Variants in NAPEPLD observed in about 807,000 individuals in gnomAD.
NAPEPLD encodes N-acyl phosphatidylethanolamine phospholipase D.
In NAPEPLD, 23 loss-of-function variants were observed where a neutral mutation model predicts 38.1. That is an observed-to-expected ratio of 0.60 (90% CI 0.43 to 0.86). The LOEUF (loss-of-function observed/expected upper bound fraction) is 0.86, where lower values mean the gene tolerates loss of function less well. Ranked by LOEUF, NAPEPLD falls within the 40% of genes least tolerant of loss-of-function variation. The probability of loss-of-function intolerance (pLI) is 0.00; values close to 1 mark genes in which losing one functional copy is unlikely to be tolerated. For synonymous variants in NAPEPLD, 147 were observed against 162.0 expected, an observed-to-expected ratio of 0.91 and a Z score of 0.71; for missense variants, 411 against 476.8, an observed-to-expected ratio of 0.86 and a Z score of 1.28.
chr7:103,113,679 G>A (rs1054458739), intron 4 of NAPEPLD, among the ~76,000 whole-genome samples: 8 of 138,122 alleles, frequency 5.8e-5, no homozygotes, highest in Non-Finnish European at 1.1e-4. Context: ...CACCCAGGCT[G>A]GAAGGAAGTG....
intron 1 of NAPEPLD, among the ~76,000 whole-genome samples, chr7:103,131,511 T>C (rs1169489305): frequency 1.3e-5 from 2 of 151,920 alleles, no homozygotes; most frequent in Non-Finnish European, 2.9e-5. Context: ...ATACAAAAAG[T>C]AGCCGGGCGT....
intron 1 of NAPEPLD, among the ~76,000 whole-genome samples, chr7:103,133,574 C>A (rs1421757241): frequency 6.6e-6 from 1 of 152,156 alleles, no homozygotes; most frequent in Admixed American, 6.5e-5. Flanking sequence ...TCTGGGCACT[C>A]AGAAGACCAC....
At chr7:103,140,542 G>A (rs569959928) in intron 1 of NAPEPLD, among the ~76,000 whole-genome samples, 26 of 151,930 alleles carry the variant, frequency 1.7e-4, no homozygotes, top group East Asian at 7.7e-4. Flanking sequence ...ACAGGAGCCC[G>A]CCACCACGCC....
intron 1 of NAPEPLD, among the ~76,000 whole-genome samples, chr7:103,133,043 C>CA (rs1312759924): frequency 3.3e-5 from 5 of 151,894 alleles, no homozygotes; most frequent in African/African-American, 9.7e-5. Flanking sequence ...CTTTAAAAAA[C>CA]AAAAAACAAA....
In NAPEPLD at chr7:103,109,327, C is replaced by A. The variant is rs191076282; in HGVS notation, c.1056+5733G>T. ...ACATCGCACTTATTCTAAAACTCAC[C>A]ACATAATTGGAAGTAAAACACTCCT... On this transcript the variant is annotated intron_variant, in intron 4 of 4. Transcript: ENST00000465647. Among the ~76,000 whole-genome samples, 252 of 152,222 alleles carry A rather than the reference C, an allele frequency of 1.7e-3. 3 individuals are homozygous for A. The highest frequency in any genetic ancestry group is 7.0e-3 in the Admixed American group (107 of 15,290).
upstream of NAPEPLD, chr7:103,149,283 C>T: frequency 9.4e-7 from 1 of 1,064,326 alleles, no homozygotes; most frequent in Non-Finnish European, 1.1e-6. Context: ...ACTCACCTCG[C>T]GCTTGGGGTG....
Position 103,119,649 on chromosome 7 carries a change from G to T in NAPEPLD, c.869C>A (p.Ala290Asp), listed in dbSNP as rs1427402762. 4.3e-6 allele frequency: 7 copies of T among 1,614,118 alleles called. No homozygotes were observed. The highest frequency in any genetic ancestry group is 5.9e-6 in the Non-Finnish European group (7 of 1,180,032). ...AAATCTTTTTCCTATCTCTTCAAAA[G>T]CAGGGCAATAACCAGTATCTCCTGC... is the stretch of plus-strand genomic sequence containing the variant. ...FFAGDTGYCPAFEEIGKRFGP... is the reference protein window; with the variant it reads ...FFAGDTGYCPDFEEIGKRFGP... The change falls in exon 3 of 5, where the codon GCT (alanine) becomes GAT (aspartate). Residue 290 changes from alanine (A) to aspartate (D), a missense_variant. By Grantham distance (126) the Ala-to-Asp change is moderately radical. Transcript: ENST00000465647.
intron 1 of NAPEPLD, among the ~76,000 whole-genome samples, chr7:103,133,036 T>TA (rs1405046784): frequency 6.6e-6 from 1 of 151,926 alleles, no homozygotes; most frequent in Non-Finnish European, 1.5e-5. Flanking sequence ...AAATGCTCTT[T>TA]AAAAAACAAA....
At chr7:103,124,893 T>C (rs1807447914) in intron 2 of NAPEPLD, among the ~76,000 whole-genome samples, 1 of 152,206 alleles carries the variant, frequency 6.6e-6, no homozygotes, top group Non-Finnish European at 1.5e-5. Context: ...AAGACCTCTC[T>C]TTCACTAAGC....
rs202197013 is a variant in NAPEPLD at position 103,125,931 on chromosome 7, GAAAC to G, written c.294+2548_294+2551del. The stretch of plus-strand genomic sequence containing the variant: ...AATAATAATAATAATAAATAAAAAT[GAAAC>G]AAATTCTTGAGGAAATTTTTCAGAA... On this transcript the variant is annotated intron_variant, in intron 2 of 4. Transcript: ENST00000465647. Among the ~76,000 whole-genome samples the G allele has an allele frequency of 5.1e-3, 740 of 145,298 alleles. 4 individuals carry two copies. Among genetic ancestry groups the G allele is most frequent in the African/African-American group, 0.019 (696 of 36,026 alleles).
rs1364379848 is a variant in NAPEPLD, at chr7:103,141,449, G to C, written c.-17+7362C>G. On this transcript the variant is annotated intron_variant, in intron 1 of 4. Coordinates refer to ENST00000465647, the MANE Select transcript of NAPEPLD (RefSeq NM_001122838.3). ...GCTCTTGTGTGCTTCCTTGGTCTTA[G>C]ATCTGCGGGCCTCAGCCTGATCAGC... 6 of 973,062 alleles carry C rather than the reference G, an allele frequency of 6.2e-6. No individual in the cohort carries two copies. In the East Asian group the frequency reaches 1.4e-4, roughly 23 times the overall value. 60.3% of individuals were successfully genotyped at this position (973,062 alleles called of 1,614,324 possible). A position where few individuals can be genotyped will look rare whatever the true frequency, so the allele number is the denominator to read the frequency against.
intron 1 of NAPEPLD, among the ~76,000 whole-genome samples, chr7:103,131,048 T>C (rs1281771306): frequency 6.6e-6 from 1 of 152,156 alleles, no homozygotes; most frequent in Non-Finnish European, 1.5e-5. Flanking sequence ...TGTACAAGTT[T>C]AGAGAGTTTA....
At chr7:103,112,951 T>C (rs1804826863) in intron 4 of NAPEPLD, among the ~76,000 whole-genome samples, 1 of 152,202 alleles carries the variant, frequency 6.6e-6, no homozygotes, top group African/African-American at 2.4e-5. Flanking sequence ...GGAATAATTC[T>C]TGAAGGCTGA....
intron 2 of NAPEPLD, among the ~76,000 whole-genome samples, chr7:103,121,297 T>G (rs967913320): frequency 1.3e-5 from 2 of 152,168 alleles, no homozygotes; most frequent in African/African-American, 4.8e-5. Context: ...AGTGGTAAGG[T>G]TGCAGCATCA....
chr7:103,140,124 C>G (rs1810913640), intron 1 of NAPEPLD, among the ~76,000 whole-genome samples: 1 of 152,194 alleles, frequency 6.6e-6, no homozygotes, highest in African/African-American at 2.4e-5. Context: ...TCCTAAACCT[C>G]AGTTTCATAA....
At chr7:103,125,941 C>A (rs1378637827) in intron 2 of NAPEPLD, among the ~76,000 whole-genome samples, 24 of 148,022 alleles carry the variant, frequency 1.6e-4, no homozygotes, top group African/African-American at 5.8e-4. Flanking sequence ...GAAACAAATT[C>A]TTGAGGAAAT....
chr7:103,112,297 T>A (rs2129527568), intron 4 of NAPEPLD, among the ~76,000 whole-genome samples: 1 of 152,286 alleles, frequency 6.6e-6, no homozygotes, highest in Middle Eastern at 3.4e-3. Context: ...TAAAGACTCA[T>A]GCACACGTGT....
At chr7:103,125,729 CA>C (rs913669312) in intron 2 of NAPEPLD, among the ~76,000 whole-genome samples, 109 of 151,294 alleles carry the variant, frequency 7.2e-4, no homozygotes, top group South Asian at 3.1e-3. Context: ...ACTAAAAATA[CA>C]AAAAAAATTA....
Position 103,103,467 on chromosome 7 carries a change from C to A in NAPEPLD, c.1144G>T (p.Glu382Ter). The change falls in exon 5 of 5, where the codon GAA (glutamate) becomes TAA (stop). Residue 382 changes from glutamate (E) to a stop codon, truncating the protein, a stop_gained. Coordinates refer to ENST00000465647, the MANE Select transcript of NAPEPLD (RefSeq NM_001122838.3). LOFTEE classifies it high-confidence loss of function. Reference protein sequence around the residue: ...AEDFFVLKHGESRYLNNDDEN... With the variant: ...AEDFFVLKHG ...TCATCATTATTTAGGTATCTTGATT[C>A]TCCATGCTTCAAGACAAAAAAATCT... 1 of 1,589,880 alleles carries A rather than the reference C, an allele frequency of 6.3e-7. No homozygotes were observed. The highest frequency in any genetic ancestry group is 1.2e-5 in the South Asian group (1 of 85,364).
Sources: gnomAD v4.1 joint callset for allele counts (sites outside exome capture counted in the v4.1 genomes callset) on GRCh38, gnomAD v4.1.1 for gene constraint, MANE v1.5 for transcripts, NCBI Gene and HGNC (gene_info 2026-07-23, HGNC 2026-07-21) for gene names.